UNC13C: variants seen among roughly 807,000 people sequenced by gnomAD.
UNC13C encodes the protein unc-13 homolog C.
A neutral mutation model predicts 245.4 loss-of-function variants in UNC13C; 174 were observed. The ratio of observed to expected loss-of-function variants is 0.71; its 90% CI spans 0.63 to 0.80. The LOEUF is 0.80. UNC13C is among the 30% of genes least tolerant of loss of function. UNC13C has a pLI of 0.00. For synonymous variants in UNC13C, 992 were observed against 895.1 expected (o/e 1.11, Z -1.93); for missense variants, 2,829 against 2,602.9 (o/e 1.09, Z -1.89).
At chr15:53,909,678 G>A in the UNC13C span, among the ~76,000 whole-genome samples, 4,922 of 146,732 alleles carry the variant, frequency 0.034, 578 homozygotes, top group East Asian at 0.084. Flanking sequence ...CCTGGGAGGT[G>A]GAGGTTGCAG....
intron 29 of UNC13C, among the ~76,000 whole-genome samples, chr15:54,556,723 A>AGCTTAGT (rs1451126781): frequency 7.5e-6 from 1 of 133,096 alleles, no homozygotes; most frequent in Admixed American, 8.0e-5. Context: ...TAGCACTAAT[A>AGCTTAGT]GCTTTATAAA....
the UNC13C span, among the ~76,000 whole-genome samples, chr15:53,933,523 T>G: frequency 6.6e-6 from 1 of 152,196 alleles, no homozygotes; most frequent in African/African-American, 2.4e-5. Context: ...TACACCCCAC[T>G]GTGGAAGCCT....
intron 29 of UNC13C, among the ~76,000 whole-genome samples, chr15:54,563,197 AT>A (rs1391321994): frequency 1.3e-5 from 2 of 151,984 alleles, no homozygotes; most frequent in African/African-American, 4.8e-5. Context: ...CTAAAGCCAA[AT>A]TTTGTCATCC....
chr15:54,460,364 A>G (rs1015038553), intron 19 of UNC13C, among the ~76,000 whole-genome samples: 3 of 152,202 alleles, frequency 2.0e-5, no homozygotes, highest in Non-Finnish European at 4.4e-5. Context: ...GTTTTCTTGA[A>G]TGCTGGTTAT....
chr15:54,263,286 T>G (rs2036472507), intron 8 of UNC13C, among the ~76,000 whole-genome samples: 1 of 152,190 alleles, frequency 6.6e-6, no homozygotes, highest in African/African-American at 2.4e-5. Context: ...CATGACCTTT[T>G]GCTTTCTTAC....
chr15:54,082,418 T>C (rs1271100741), intron 2 of UNC13C, among the ~76,000 whole-genome samples: 1 of 152,234 alleles, frequency 6.6e-6, no homozygotes, highest in Non-Finnish European at 1.5e-5. Flanking sequence ...GTCATAGATT[T>C]GGTTGCTTTA....
At chr15:54,500,662 C>T (rs1175753767) in intron 21 of UNC13C, among the ~76,000 whole-genome samples, 173 bp from the exon 22 acceptor site, 1 of 152,102 alleles carries the variant, frequency 6.6e-6, no homozygotes, top group Non-Finnish European at 1.5e-5. Flanking sequence ...ATATTAGTTC[C>T]ACCACACTTT....
chr15:54,245,155 C>G (rs893125270), intron 7 of UNC13C, among the ~76,000 whole-genome samples: 3 of 152,050 alleles, frequency 2.0e-5, no homozygotes, highest in African/African-American at 7.2e-5. Context: ...TTTTTAGTTT[C>G]ATGTATTTAT....
chr15:54,263,339 G>A (rs964189153), intron 8 of UNC13C, among the ~76,000 whole-genome samples: 3 of 152,174 alleles, frequency 2.0e-5, no homozygotes, highest in African/African-American at 4.8e-5. Context: ...ATCATGGTCC[G>A]TTATTAACTT....
chr15:54,597,439 A>G (rs1276386622), intron 30 of UNC13C, among the ~76,000 whole-genome samples: 3 of 152,166 alleles, frequency 2.0e-5, no homozygotes, highest in Non-Finnish European at 4.4e-5. Flanking sequence ...GTTTCTGTGC[A>G]TGTAAGGGGT....
chr15:54,046,835 C>T (rs2141044308), intron 2 of UNC13C, among the ~76,000 whole-genome samples: 1 of 151,652 alleles, frequency 6.6e-6, no homozygotes, highest in South Asian at 2.1e-4. Flanking sequence ...GTATCTGGGT[C>T]AAGAGCAGAA....
At chr15:54,336,344 C>T (rs1009519796) in intron 16 of UNC13C, among the ~76,000 whole-genome samples, 3 of 151,104 alleles carry the variant, frequency 2.0e-5, no homozygotes, top group Admixed American at 6.7e-5. Context: ...ACAGTAGTCT[C>T]GAGTTTTGAG....
intron 17 of UNC13C, among the ~76,000 whole-genome samples, chr15:54,361,925 G>A (rs2039241197): frequency 6.6e-6 from 1 of 152,178 alleles, no homozygotes. Flanking sequence ...CTAGTCTGAT[G>A]AAGACTTAAG....
the UNC13C span, among the ~76,000 whole-genome samples, chr15:53,920,209 C>A: frequency 6.6e-6 from 1 of 152,114 alleles, no homozygotes; most frequent in South Asian, 2.1e-4. Context: ...TAAGATAACG[C>A]TACAGCATAT....
intron 11 of UNC13C, among the ~76,000 whole-genome samples, chr15:54,296,391 T>G (rs8038050): frequency 0.25 from 34,505 of 137,452 alleles, 5,377 homozygotes; most frequent in African/African-American, 0.5. Context: ...TTATTTTTTT[T>G]TATTTTTTAG....
intron 10 of UNC13C, among the ~76,000 whole-genome samples, chr15:54,268,760 A>ACTT (rs2036610983): frequency 1.3e-5 from 2 of 152,134 alleles, no homozygotes; most frequent in South Asian, 4.1e-4. Context: ...CCCAGTAGAA[A>ACTT]TTAGTATGAT....
chr15:54,520,451 T>C (rs772431183), intron 24 of UNC13C, among the ~76,000 whole-genome samples: 1 of 152,162 alleles, frequency 6.6e-6, no homozygotes, highest in Non-Finnish European at 1.5e-5. Context: ...CTTGGAAATA[T>C]AGACATGATT....
intron 24 of UNC13C, among the ~76,000 whole-genome samples, chr15:54,521,193 G>C (rs1201903528): frequency 6.6e-6 from 1 of 152,152 alleles, no homozygotes; most frequent in Non-Finnish European, 1.5e-5. Flanking sequence ...AAATATTGGA[G>C]AGTATGAAAC....
At chr15:54,116,100 G>C (rs1484562988) in intron 2 of UNC13C, among the ~76,000 whole-genome samples, 1 of 151,112 alleles carries the variant, frequency 6.6e-6, no homozygotes, top group East Asian at 1.9e-4. Context: ...TTTTCTCCTT[G>C]CCCGCCCCCT....
Sources: allele counts gnomAD v4.1 joint callset (sites outside exome capture counted in the v4.1 genomes callset), GRCh38; gene constraint gnomAD v4.1.1; transcripts MANE v1.5; gene names NCBI Gene and HGNC (gene_info 2026-07-23, HGNC 2026-07-21).